PDSS2: variants seen among roughly 807,000 people sequenced by gnomAD.
PDSS2 encodes the protein decaprenyl diphosphate synthase subunit 2.
PDSS2 carries 31 observed loss-of-function variants against 44.5 expected under a neutral mutation model. The ratio of observed to expected loss-of-function variants is 0.70; its 90% CI spans 0.52 to 0.94. The LOEUF is 0.94. PDSS2 is among the 40% of genes least tolerant of loss of function. The probability of loss-of-function intolerance (pLI) is 0.00; values close to 1 mark genes in which losing one functional copy is unlikely to be tolerated. For synonymous variants in PDSS2, 157 were observed against 180.3 expected (o/e 0.87, Z 1.03); for missense variants, 452 against 482.2 (o/e 0.94, Z 0.59).
chr6:107,364,354 A>C (rs1004862961), intron 1 of PDSS2, among the ~76,000 whole-genome samples: 4 of 152,150 alleles, frequency 2.6e-5, no homozygotes, highest in African/African-American at 7.3e-5. Flanking sequence ...TGGGAGGCTC[A>C]GGCATGGCGG....
chr6:107,327,626 T>G (rs1319810700), intron 2 of PDSS2, among the ~76,000 whole-genome samples: 1 of 152,182 alleles, frequency 6.6e-6, no homozygotes, highest in East Asian at 1.9e-4. Flanking sequence ...CCAGCTAATT[T>G]TTTTGTATTT....
At chr6:107,413,225 G>C (rs981285513) in intron 1 of PDSS2, among the ~76,000 whole-genome samples, 1 of 152,114 alleles carries the variant, frequency 6.6e-6, no homozygotes, top group Non-Finnish European at 1.5e-5. Flanking sequence ...ACTTTATCAT[G>C]AGTCTCAATT....
chr6:107,423,953 T>G (rs745390091), intron 1 of PDSS2, among the ~76,000 whole-genome samples: 2 of 152,076 alleles, frequency 1.3e-5, no homozygotes, highest in Non-Finnish European at 2.9e-5. Flanking sequence ...CAGCCCACAG[T>G]GTTCTACCCT....
chr6:107,267,911 G>A (rs1199907409), intron 3 of PDSS2, among the ~76,000 whole-genome samples: 1 of 151,928 alleles, frequency 6.6e-6, no homozygotes, highest in East Asian at 1.9e-4. Context: ...CTAATAGTCT[G>A]CTTAATAGGA....
chr6:107,442,011 G>A (rs1781524165), intron 1 of PDSS2, among the ~76,000 whole-genome samples: 1 of 152,202 alleles, frequency 6.6e-6, no homozygotes, highest in Admixed American at 6.5e-5. Flanking sequence ...TGACAGCAGT[G>A]CTGTAGTCTA....
chr6:107,213,817 G>A (rs1335917177), intron 4 of PDSS2, among the ~76,000 whole-genome samples: 1 of 151,982 alleles, frequency 6.6e-6, no homozygotes, highest in East Asian at 1.9e-4. Flanking sequence ...CTATTATAAT[G>A]GAGAATGAAT....
chr6:107,209,555 C>T (rs970431039), intron 6 of PDSS2, among the ~76,000 whole-genome samples: 3 of 144,366 alleles, frequency 2.1e-5, no homozygotes, highest in African/African-American at 7.6e-5. Flanking sequence ...CTCACTTAGG[C>T]TCTAAGCTTT....
intron 1 of PDSS2, among the ~76,000 whole-genome samples, chr6:107,404,224 T>G (rs772011296): frequency 6.6e-6 from 1 of 152,180 alleles, no homozygotes; most frequent in Non-Finnish European, 1.5e-5. Context: ...TCTGAGACCA[T>G]CTCAGAGTGG....
chr6:107,252,984 G>T (rs1038289275), intron 3 of PDSS2, among the ~76,000 whole-genome samples: 1 of 152,144 alleles, frequency 6.6e-6, no homozygotes, highest in African/African-American at 2.4e-5. Context: ...CTACCAAAAA[G>T]ATCTAAATCA....
chr6:107,179,954 G>C (rs1355374574), intron 7 of PDSS2, among the ~76,000 whole-genome samples: 4 of 152,162 alleles, frequency 2.6e-5, no homozygotes, highest in African/African-American at 7.2e-5. Flanking sequence ...AGCAGGATTA[G>C]TGTATGACTG....
intron 1 of PDSS2, among the ~76,000 whole-genome samples, chr6:107,347,531 G>C (rs1160887899): frequency 6.6e-6 from 1 of 152,040 alleles, no homozygotes; most frequent in Non-Finnish European, 1.5e-5. Context: ...CCAAAGTGCT[G>C]AGATTACAGG....
chr6:107,459,295 C>T lies in PDSS2; in HGVS notation c.-10G>A, dbSNP rs760076688. On this transcript the variant is annotated 5_prime_UTR_variant, in exon 1 of 8. Transcript: ENST00000369037. This position sits in a 1 kb window ranked among gnomAD's most constrained non-coding sequence, Gnocchi z 4.3. ...GCTGCCGAAAGTTCATGGTTTGAGTCTGGAAGGGTCTGGGACCTGGGGGTA... is the reference window on the plus strand; with the variant it reads ...GCTGCCGAAAGTTCATGGTTTGAGTTTGGAAGGGTCTGGGACCTGGGGGTA... The T allele has an allele frequency of 7.4e-6, 12 of 1,613,300 alleles. No homozygotes were observed. Among genetic ancestry groups the T allele is most frequent in the Non-Finnish European group, 1.0e-5 (12 of 1,179,754 alleles).
rs1329039266 is a variant in PDSS2, at chr6:107,164,911, T to C, written c.1042-10134A>G. ...GTGGTTTTGATTTGCATTTCTCTGA[T>C]GGCCAGTGATGATGAGCATTTTTTC... On this transcript the variant is annotated intron_variant, in intron 7 of 7. Transcript: ENST00000369037. Among the ~76,000 whole-genome samples the C allele has an allele frequency of 4.6e-5, 7 of 152,368 alleles. No individual in the cohort carries two copies. In the East Asian group the frequency reaches 1.2e-3, roughly 25 times the overall value.
chr6:107,398,954 T>C (rs1780026865), intron 1 of PDSS2, among the ~76,000 whole-genome samples: 1 of 152,222 alleles, frequency 6.6e-6, no homozygotes, highest in African/African-American at 2.4e-5. Flanking sequence ...ATAAGATTTT[T>C]AGAATGTATT....
At chr6:107,214,860 C>T (rs1773360143) in intron 4 of PDSS2, among the ~76,000 whole-genome samples, 1 of 152,152 alleles carries the variant, frequency 6.6e-6, no homozygotes, top group African/African-American at 2.4e-5. Context: ...TCAAGCAATC[C>T]TCCCACCTCA....
At chr6:107,430,728 G>A (rs1247798556) in intron 1 of PDSS2, among the ~76,000 whole-genome samples, 1 of 151,624 alleles carries the variant, frequency 6.6e-6, no homozygotes, top group East Asian at 1.9e-4. Context: ...AGAATTGCTT[G>A]AACCTGGGAG....
chr6:107,358,006 C>T (rs76747253), intron 1 of PDSS2, among the ~76,000 whole-genome samples: 2,000 of 152,176 alleles, frequency 0.013, 59 homozygotes, highest in East Asian at 0.12. Context: ...GGTTGAGCAT[C>T]CCTAATCTGA....
chr6:107,267,761 GT>G (rs778880392), intron 3 of PDSS2, among the ~76,000 whole-genome samples: 5 of 145,584 alleles, frequency 3.4e-5, no homozygotes, highest in Admixed American at 1.4e-4. Flanking sequence ...TTTGTTTTTT[GT>G]TTTTTTTTTC....
chr6:107,421,046 C>A (rs1190742428), intron 1 of PDSS2, among the ~76,000 whole-genome samples: 1 of 152,152 alleles, frequency 6.6e-6, no homozygotes, highest in African/African-American at 2.4e-5. Context: ...CTTGAGTATT[C>A]ATCTTACCAA....
Sources: gnomAD v4.1 joint callset for allele counts (sites outside exome capture counted in the v4.1 genomes callset) on GRCh38, gnomAD v4.1.1 for gene constraint, Gnocchi (gnomAD v3.1) non-coding constraint, MANE v1.5 for transcripts, NCBI Gene and HGNC (gene_info 2026-07-23, HGNC 2026-07-21) for gene names.